The following BRSK1 variants were observed in gnomAD, a reference collection of about 807,000 sequenced individuals.
BRSK1 encodes BR serine/threonine kinase 1.
In BRSK1, 17 loss-of-function variants were observed where a neutral mutation model predicts 86.2. That is an observed-to-expected ratio of 0.20 (90% CI 0.14 to 0.30). The LOEUF (loss-of-function observed/expected upper bound fraction) is 0.30. Ranked by LOEUF, BRSK1 falls within the 10% of genes least tolerant of loss-of-function variation. The probability of loss-of-function intolerance (pLI) is 1.00; values close to 1 mark genes in which losing one functional copy is unlikely to be tolerated. For synonymous variants in BRSK1, 464 were observed against 440.1 expected, an observed-to-expected ratio of 1.05 and a Z score of -0.68; for missense variants, 719 against 1,071.9, an observed-to-expected ratio of 0.67 and a Z score of 4.60.
At chr19:55,290,646 T>C (rs1172421686) in intron 4 of BRSK1, among the ~76,000 whole-genome samples, 2 of 146,702 alleles carry the variant, frequency 1.4e-5, no homozygotes, top group Non-Finnish European at 3.0e-5. Flanking sequence ...CTTTTTCTTT[T>C]TCTTTTTTTT....
rs1265876705 is a variant in BRSK1 at position 55,284,044 on chromosome 19, G to C, written c.-399G>C. ...GAGAGAAAGGACGAGGTGGCGGGGG[G>C]AGGCGGAGAGGAGGAGGAGGCGGAG... On this transcript the variant is annotated 5_prime_UTR_variant, in exon 1 of 19. Coordinates refer to ENST00000309383, the MANE Select transcript of BRSK1 (RefSeq NM_032430.2). The C allele has an allele frequency of 8.1e-7, 1 of 1,235,100 alleles. No individual in the cohort carries two copies. Among genetic ancestry groups the C allele is most frequent in the East Asian group, 3.2e-5 (1 of 31,710 alleles). 76.5% of individuals were successfully genotyped at this position (1,235,100 alleles called of 1,614,324 possible).
chr19:55,300,670 C>T (rs1782083632), intron 7 of BRSK1, among the ~76,000 whole-genome samples: 2 of 152,090 alleles, frequency 1.3e-5, no homozygotes, highest in Admixed American at 1.3e-4. Context: ...GAAACCCCGT[C>T]TCTATTAAAA....
At position 55,302,749 on chromosome 19, in the gene BRSK1, G is replaced by T. The variant is rs767793522; in HGVS notation, c.910G>T (p.Val304Leu). 1.2e-5 allele frequency: 19 copies of T among 1,613,296 alleles called. No homozygotes were observed. The highest frequency in any genetic ancestry group is 1.6e-5 in the Non-Finnish European group (19 of 1,179,646). ...CCTGGAGCCAGCCCCTGGCCGCCGG[G>T]TAGCCATGCGGAGCCTGCCATCCAA... ...PCLEPAPGRR[V>L]AMRSLPSNGE... The change falls in exon 10 of 19, where the codon GTA becomes TTA. Residue 304 changes from valine (V) to leucine (L), a missense_variant. Coordinates refer to ENST00000309383, the MANE Select transcript of BRSK1 (RefSeq NM_032430.2). This position sits in a 1 kb window ranked among gnomAD's most constrained non-coding sequence, Gnocchi z 6.3.
chr19:55,302,491 C>A lies in BRSK1; in HGVS notation c.858-206C>A, dbSNP rs1169655245. ...GAAGGAGGGGCCGGGGGCCTGGACC[C>A]CTCGGTCGGAGGGAAAAGGGGCTGG... On this transcript the variant is annotated intron_variant, in intron 9 of 18. Coordinates refer to ENST00000309383, the MANE Select transcript of BRSK1 (RefSeq NM_032430.2). The surrounding 1 kb of genome is among the most constrained non-coding windows in gnomAD (Gnocchi z 6.3). 2.2e-5 allele frequency: 15 copies of A among 671,250 alleles called. No homozygotes were observed. The highest frequency in any genetic ancestry group is 3.2e-5 in the Non-Finnish European group (13 of 403,026). The allele number at this position is 671,250 out of a possible 1,614,324, so 41.6% of individuals were successfully genotyped here. A position where few individuals can be genotyped will look rare whatever the true frequency, so the allele number is the denominator to read the frequency against.
At chr19:55,311,682 A>G (rs2088799378) in intron 18 of BRSK1, among the ~76,000 whole-genome samples, 1 of 152,150 alleles carries the variant, frequency 6.6e-6, no homozygotes, top group African/African-American at 2.4e-5. Flanking sequence ...CAGGGGGCAT[A>G]GGGTGCAGCC....
intron 17 of BRSK1, 109 bp from the exon 18 acceptor site, chr19:55,308,530 G>GC: frequency 1.3e-6 from 1 of 767,672 alleles, no homozygotes. Flanking sequence ...AGACGGAGAT[G>GC]CAGGGGGGGT....
chr19:55,303,321 G>A lies in BRSK1; in HGVS notation c.1039G>A (p.Glu347Lys). 6.2e-7 allele frequency: 1 copy of A among 1,613,738 alleles called. No homozygotes were observed. Among genetic ancestry groups the A allele is most frequent in the Non-Finnish European group, 8.5e-7 (1 of 1,179,810 alleles). Residue 347 changes from glutamate to lysine, a missense_variant, in exon 11 of 19, where the codon GAA (glutamate) becomes AAA (lysine). Glu to Lys is a moderately conservative substitution (Grantham distance 56). Transcript: ENST00000309383. The surrounding 1 kb of genome is among the most constrained non-coding windows in gnomAD (Gnocchi z 5.1). The stretch of plus-strand genomic sequence containing the variant: ...CACCCCCTGCCTTAGGGAGAACCAA[G>A]AAAAGATGATATATTATCTGCTTTT... ...RELRSEEENQ[E>K]KMIYYLLLDR...
rs1374259122 is a variant in BRSK1 at position 55,310,031 on chromosome 19, G to C, written c.2179+1303G>C. Among the ~76,000 whole-genome samples the C allele has an allele frequency of 1.3e-5, 2 of 152,218 alleles. No homozygotes were observed. Among genetic ancestry groups the C allele is most frequent in the South Asian group, 4.1e-4 (2 of 4,826 alleles). On this transcript the variant is annotated intron_variant, in intron 18 of 18. Transcript: ENST00000309383. This position sits in a 1 kb window ranked among gnomAD's most constrained non-coding sequence, Gnocchi z 5.0. ...CAGGAGCCAGGGCAGCTTTGGCCTTGTCACCAGAAACTCTGAGTCCCAGGG... is the reference window on the plus strand; with the variant it reads ...CAGGAGCCAGGGCAGCTTTGGCCTTCTCACCAGAAACTCTGAGTCCCAGGG...
chr19:55,293,235 C>T (rs2088434979), intron 4 of BRSK1, among the ~76,000 whole-genome samples: 1 of 152,030 alleles, frequency 6.6e-6, no homozygotes, highest in Non-Finnish European at 1.5e-5. Context: ...GTGGCTCATG[C>T]CTGTAATCCC....
rs552754234 is a variant in BRSK1 at position 55,305,679 on chromosome 19, T to C, written c.1890+93T>C. ...TAACCACCTTAGCATAGGCCTGGCT[T>C]CCTCCTGGGGCTCATGGGATTTGTA... On this transcript the variant is annotated intron_variant, in intron 16 of 18. Coordinates refer to ENST00000309383, the MANE Select transcript of BRSK1 (RefSeq NM_032430.2). 7 of 1,562,642 alleles carry C rather than the reference T, an allele frequency of 4.5e-6. No individual in the cohort carries two copies. The Admixed American group carries it at 1.3e-4, about 29-fold the overall frequency.
At position 55,306,940 on chromosome 19, in the gene BRSK1, T is replaced by C. The variant is rs542380751; in HGVS notation, c.2089+490T>C. 6.6e-6 allele frequency among the ~76,000 whole-genome samples: 1 copy of C among 152,296 alleles called. No homozygotes were observed. The highest frequency in any genetic ancestry group is 1.9e-4 in the East Asian group (1 of 5,170). On this transcript the variant is annotated intron_variant, in intron 17 of 18. Transcript: ENST00000309383. This position sits in a 1 kb window ranked among gnomAD's most constrained non-coding sequence, Gnocchi z 4.7. Reference sequence around the variant, plus strand: ...GTCTGCCCAGAGCAGACATTACCAATTGATGGCAGTGCTTATTCCTGCTAA... The same window carrying C: ...GTCTGCCCAGAGCAGACATTACCAACTGATGGCAGTGCTTATTCCTGCTAA...
chr19:55,306,568 C>A lies in BRSK1; in HGVS notation c.2089+118C>A. The A allele has an allele frequency of 8.2e-7, 1 of 1,219,830 alleles. No homozygotes were observed. 75.6% of individuals were successfully genotyped at this position (1,219,830 alleles called of 1,614,324 possible). A position where few individuals can be genotyped will look rare whatever the true frequency, so the allele number is the denominator to read the frequency against. On this transcript the variant is annotated intron_variant, in intron 17 of 18. Transcript: ENST00000309383. This position sits in a 1 kb window ranked among gnomAD's most constrained non-coding sequence, Gnocchi z 4.7. ...GGAGGAAATGGTGTTCAGCTGGTGC[C>A]GACTCTCTGTGCTCCTCCTGCCCAC... is the stretch of plus-strand genomic sequence containing the variant.
At chr19:55,285,162 C>G (rs2088291675) in intron 1 of BRSK1, among the ~76,000 whole-genome samples, 1 of 148,352 alleles carries the variant, frequency 6.7e-6, no homozygotes, top group Non-Finnish European at 1.5e-5. Flanking sequence ...GGCCTGGACT[C>G]CTGAGTATGA....
chr19:55,312,130 GA>G lies in BRSK1; in HGVS notation c.*64del. On this transcript the variant is annotated 3_prime_UTR_variant, in exon 19 of 19. Coordinates refer to ENST00000309383, the MANE Select transcript of BRSK1 (RefSeq NM_032430.2). ...CCCCCCTTCCGTGCCCCCCAACTGT[GA>G]ATCTGTAAATAAGGCCCAAGGAACA... The G allele has an allele frequency of 1.4e-6, 1 of 714,000 alleles. No individual in the cohort carries two copies. Among genetic ancestry groups the G allele is most frequent in the East Asian group, 3.2e-5 (1 of 31,518 alleles). The allele number at this position is 714,000 out of a possible 1,614,324, so 44.2% of individuals were successfully genotyped here.
chr19:55,289,735 C>A, intron 4 of BRSK1, 115 bp downstream of exon 4: 2 of 1,333,692 alleles, frequency 1.5e-6, no homozygotes, highest in Non-Finnish European at 2.0e-6. Context: ...ACCTTTATCC[C>A]ATTGAGACAT....
chr19:55,302,243 G>A lies in BRSK1; in HGVS notation c.857+75G>A, dbSNP rs1467905083. 1.8e-5 allele frequency: 28 copies of A among 1,566,532 alleles called. No individual in the cohort carries two copies. The highest frequency in any genetic ancestry group is 2.4e-5 in the Non-Finnish European group (27 of 1,137,110). On this transcript the variant is annotated intron_variant, in intron 9 of 18. Coordinates refer to ENST00000309383, the MANE Select transcript of BRSK1 (RefSeq NM_032430.2). This position sits in a 1 kb window ranked among gnomAD's most constrained non-coding sequence, Gnocchi z 6.3. ...GGGCCAAAGCAGTAGAAGCGGCTGG[G>A]AGGGGTGGGATGCCAGGGTTCCTGA... is the stretch of plus-strand genomic sequence containing the variant.
At position 55,307,573 on chromosome 19, in the gene BRSK1, T is replaced by C. The variant is rs549329026; in HGVS notation, c.2090-1066T>C. 5.8e-3 allele frequency among the ~76,000 whole-genome samples: 739 copies of C among 127,996 alleles called. 6 individuals carry two copies. The highest frequency in any genetic ancestry group is 0.021 in the African/African-American group (700 of 33,152). The allele number at this position is 127,996 out of a possible 152,430, so 84.0% of individuals were successfully genotyped here. ...CAAAAAAAAAAAAAAAAAAGGCTAA[T>C]ATGCAGACCTTTCTCAATTTTAAGA... On this transcript the variant is annotated intron_variant, in intron 17 of 18. Coordinates refer to ENST00000309383, the MANE Select transcript of BRSK1 (RefSeq NM_032430.2).
At chr19:55,305,284 C>T in intron 14 of BRSK1, 37 bp from the exon 15 acceptor site, 2 of 1,612,274 alleles carry the variant, frequency 1.2e-6, no homozygotes, top group Non-Finnish European at 1.7e-6. Context: ...GGATGATGCA[C>T]AGGTGTTGAC....
intron 7 of BRSK1, among the ~76,000 whole-genome samples, chr19:55,299,537 C>A (rs914411978): frequency 6.6e-5 from 10 of 151,926 alleles, no homozygotes; most frequent in African/African-American, 1.9e-4. Flanking sequence ...AGGCGCCCGC[C>A]ACTTTGCCCG....
Sources: gnomAD v4.1 joint callset for allele counts (sites outside exome capture counted in the v4.1 genomes callset) on GRCh38, gnomAD v4.1.1 for gene constraint, Gnocchi (gnomAD v3.1) non-coding constraint, MANE v1.5 for transcripts, NCBI Gene and HGNC (gene_info 2026-07-23, HGNC 2026-07-21) for gene names.